Variants in RYR1 observed in about 807,000 individuals in gnomAD.
The protein encoded by RYR1 is central core disease of muscle.
RYR1 carries 342 observed loss-of-function variants against 583.5 expected under a neutral mutation model. The observed-to-expected ratio is 0.59, with a 90% CI of 0.54 to 0.64. The LOEUF is 0.64. Ranked by LOEUF, RYR1 falls within the 30% of genes least tolerant of loss-of-function variation. The pLI, the probability that RYR1 is intolerant of heterozygous loss-of-function variation, is 0.00. For missense variants in RYR1, 6,032 were observed against 6,917.2 expected, an observed-to-expected ratio of 0.87 and a Z score of 4.54; for synonymous variants, 2,791 against 2,822.5, an observed-to-expected ratio of 0.99 and a Z score of 0.35.
intron 34 of RYR1, 87 bp from the exon 35 acceptor site, chr19:38,489,090 A>G: frequency 8.7e-7 from 1 of 1,150,930 alleles, no homozygotes; most frequent in Non-Finnish European, 1.3e-6. Flanking sequence ...TGGCATGTGC[A>G]TGAGGGGCAG....
chr19:38,471,611 T>TGA (rs757495712), intron 27 of RYR1, among the ~76,000 whole-genome samples: 28 of 151,466 alleles, frequency 1.8e-4, no homozygotes, highest in Middle Eastern at 3.4e-3. Context: ...CTAAAGAGTC[T>TGA]GAGAACAGGC....
Position 38,502,846 on chromosome 19 carries a change from C to T in RYR1, c.7836-34C>T, listed in dbSNP as rs373543784. The T allele has an allele frequency of 3.6e-5, 57 of 1,598,058 alleles. 1 individual carries two copies. The highest frequency in any genetic ancestry group is 1.7e-4 in the Middle Eastern group (1 of 5,940). On this transcript the variant is annotated intron_variant, in intron 48 of 105. Coordinates refer to ENST00000359596, the MANE Select transcript of RYR1 (RefSeq NM_000540.3). Reference sequence around the variant, plus strand: ...GCAGGGGCAGCAGAGCGGGCCTGGACGGGGGATTCTACATCTTGTGCATTG... The same window carrying T: ...GCAGGGGCAGCAGAGCGGGCCTGGATGGGGGATTCTACATCTTGTGCATTG...
chr19:38,526,759 C>A (rs375753070), intron 71 of RYR1, among the ~76,000 whole-genome samples: 2 of 152,252 alleles, frequency 1.3e-5, no homozygotes, highest in East Asian at 1.9e-4. Context: ...CAGACCTCCA[C>A]GAGGCCCCTC....
In RYR1 at chr19:38,572,154, A is replaced by G. The variant is rs2145869953; in HGVS notation, c.13882A>G (p.Met4628Val). 2 of 1,613,960 alleles carry G rather than the reference A, an allele frequency of 1.2e-6. No individual in the cohort carries two copies. The highest frequency in any genetic ancestry group is 1.7e-6 in the Non-Finnish European group (2 of 1,179,962). The part of the protein sequence containing the change: ...EEAEGDEDEN[M>V]VYYFLEESTG... ...GGCAGAGGGCGATGAGGATGAGAAC[A>G]TGGTGTACTACTTCCTGGAGGAAAG... is the stretch of plus-strand genomic sequence containing the variant. The change falls in exon 95 of 106, where the codon ATG becomes GTG. Residue 4628 changes from methionine to valine, a missense_variant. Met to Val is a conservative substitution (Grantham distance 21). Around this residue, in one of 11 missense-constraint regions of RYR1, gnomAD observed 188 missense variants for 215.6 expected, o/e 0.87. Coordinates refer to ENST00000359596, the MANE Select transcript of RYR1 (RefSeq NM_000540.3).
chr19:38,551,326 G>A (rs539352509), intron 89 of RYR1, among the ~76,000 whole-genome samples: 3 of 151,174 alleles, frequency 2.0e-5, no homozygotes, highest in African/African-American at 7.3e-5. Flanking sequence ...CAAGTGATCC[G>A]CCCGCCTCAG....
intron 23 of RYR1, 152 bp from the exon 24 acceptor site, chr19:38,465,939 C>A: frequency 3.7e-6 from 3 of 800,816 alleles, no homozygotes; most frequent in Non-Finnish European, 6.1e-6. Context: ...GATCTCAAAA[C>A]TTATTCTAAA....
At chr19:38,456,645 T>C (rs976249396) in intron 16 of RYR1, among the ~76,000 whole-genome samples, 1 of 152,236 alleles carries the variant, frequency 6.6e-6, no homozygotes. Flanking sequence ...TGTATATATA[T>C]ACACACACTC....
chr19:38,508,204 A>T (rs1469728668), intron 58 of RYR1, among the ~76,000 whole-genome samples: 1 of 151,344 alleles, frequency 6.6e-6, no homozygotes, highest in Admixed American at 6.6e-5. Context: ...TTTATTTTTT[A>T]TTTTATTTAT....
chr19:38,488,375 C>T (rs1040644659), intron 34 of RYR1, among the ~76,000 whole-genome samples: 6 of 152,078 alleles, frequency 3.9e-5, no homozygotes, highest in African/African-American at 9.7e-5. Flanking sequence ...TCTACCATTC[C>T]GACTCGGGAT....
chr19:38,561,064 G>C lies in RYR1; in HGVS notation c.12283-49G>C, dbSNP rs1461098585. ...TTAAAAAAAAAAAAAAAAAGAGAGA[G>C]AATTGAGGCTCTCCAGGTCACCCCA... On this transcript the variant is annotated intron_variant, in intron 89 of 105. Transcript: ENST00000359596. This position sits in a 1 kb window ranked among gnomAD's most constrained non-coding sequence, Gnocchi z 4.8. 7.8e-6 allele frequency: 11 copies of C among 1,405,680 alleles called. No homozygotes were observed. The highest frequency in any genetic ancestry group is 1.1e-5 in the Non-Finnish European group (11 of 1,003,604). The allele number at this position is 1,405,680 out of a possible 1,614,324, so 87.1% of individuals were successfully genotyped here.
At chr19:38,490,477 C>T (rs1969503665) in intron 36 of RYR1, 144 bp from the exon 37 acceptor site, 6 of 793,272 alleles carry the variant, frequency 7.6e-6, no homozygotes, top group South Asian at 4.4e-5. Flanking sequence ...AACCTCTGGC[C>T]CTAGTCTCCC....
Position 38,561,542 on chromosome 19 carries a change from G to T in RYR1, c.12624+88G>T, listed in dbSNP as rs1599626824. The T allele has an allele frequency of 7.8e-7, 1 of 1,280,758 alleles. No homozygotes were observed. Among genetic ancestry groups the T allele is most frequent in the Non-Finnish European group, 1.1e-6 (1 of 923,404 alleles). The allele number at this position is 1,280,758 out of a possible 1,614,324, so 79.3% of individuals were successfully genotyped here. ...TCCTGCACCCTCAGACCCCACGGGGGCTGTGCGTGCCTCGCATATCTGCCC... is the reference window on the plus strand; with the variant it reads ...TCCTGCACCCTCAGACCCCACGGGGTCTGTGCGTGCCTCGCATATCTGCCC... On this transcript the variant is annotated intron_variant, in intron 90 of 105. Transcript: ENST00000359596. This position sits in a 1 kb window ranked among gnomAD's most constrained non-coding sequence, Gnocchi z 4.8.
intron 72 of RYR1, 192 bp from the exon 73 acceptor site, chr19:38,527,455 A>G (rs1600929262): frequency 1.4e-6 from 1 of 693,916 alleles, no homozygotes; most frequent in East Asian, 2.9e-5. Context: ...GGTTGCAGTG[A>G]GCTGAGATCG....
intron 11 of RYR1, among the ~76,000 whole-genome samples, chr19:38,449,704 T>C (rs1338363974): frequency 6.6e-6 from 1 of 152,190 alleles, no homozygotes; most frequent in Non-Finnish European, 1.5e-5. Context: ...GGAAAACTAT[T>C]TTTGGCAGCA....
chr19:38,531,307 A>G (rs1971730594), intron 76 of RYR1, among the ~76,000 whole-genome samples: 1 of 152,000 alleles, frequency 6.6e-6, no homozygotes, highest in African/African-American at 2.4e-5. Context: ...GTCCCAGCGC[A>G]AGCTGTGTGA....
chr19:38,441,254 G>A (rs1215100730), intron 2 of RYR1, among the ~76,000 whole-genome samples: 3 of 148,652 alleles, frequency 2.0e-5, no homozygotes, highest in African/African-American at 7.5e-5. Context: ...ACTGAGGGAC[G>A]GCTGGGGCGT....
At chr19:38,498,538 A>G (rs554681057) in intron 42 of RYR1, among the ~76,000 whole-genome samples, 31 of 152,344 alleles carry the variant, frequency 2.0e-4, no homozygotes, top group Non-Finnish European at 4.0e-4. Context: ...AGGAAAGTAA[A>G]GGAATAAAAG....
In RYR1 at chr19:38,515,030, C is replaced by T. The variant is rs139409128; in HGVS notation, c.9477C>T (p.Asp3159=). The T allele has an allele frequency of 6.7e-5, 108 of 1,612,582 alleles. No homozygotes were observed. The East Asian group carries it at 2.1e-3, about 31-fold the overall frequency. ...CTCGCCCCCTGTCTCCCTCAGTGGA[C>T]GACGTCCAGGTCTCTTGCTACCGAA... The part of the protein sequence containing the change: ...QHQFGDDVIL[D]DVQVSCYRTL... Residue 3159 remains aspartate (D), a synonymous_variant, in exon 64 of 106, where the codon GAC becomes GAT. Transcript: ENST00000359596.
chr19:38,558,482 C>A (rs922778511), intron 89 of RYR1, among the ~76,000 whole-genome samples: 2 of 152,004 alleles, frequency 1.3e-5, no homozygotes, highest in Non-Finnish European at 2.9e-5. Flanking sequence ...CTACTATGTA[C>A]CCACAAAAAT....
Sources: gnomAD v4.1 joint callset for allele counts (sites outside exome capture counted in the v4.1 genomes callset) on GRCh38, gnomAD v4.1.1 for gene constraint, gnomAD v4.1.1 regional missense constraint, Gnocchi (gnomAD v3.1) non-coding constraint, MANE v1.5 for transcripts, NCBI Gene and HGNC (gene_info 2026-07-23, HGNC 2026-07-21) for gene names.